SLC16A12: variants seen among roughly 807,000 people sequenced by gnomAD.
SLC16A12 encodes solute carrier family 16 member 12.
A neutral mutation model predicts 42.4 loss-of-function variants in SLC16A12; 17 were observed. The ratio of observed to expected loss-of-function variants is 0.40; its 90% confidence interval spans 0.27 to 0.60. The LOEUF is 0.60. Ranked by LOEUF, SLC16A12 falls within the 20% of genes least tolerant of loss-of-function variation. The pLI is 0.42. For missense variants in SLC16A12, 544 were observed against 623.0 expected, an observed-to-expected ratio of 0.87 and a Z score of 1.35; for synonymous variants, 224 against 229.4, an observed-to-expected ratio of 0.98 and a Z score of 0.21.
intron 2 of SLC16A12, among the ~76,000 whole-genome samples, chr10:89,464,555 AT>A (rs1468390551): frequency 6.6e-6 from 1 of 152,224 alleles, no homozygotes; most frequent in African/African-American, 2.4e-5. Context: ...ATGAAATGTC[AT>A]TTCAACTATG....
intron 2 of SLC16A12, among the ~76,000 whole-genome samples, chr10:89,470,185 A>C (rs1489469550): frequency 6.6e-6 from 1 of 152,208 alleles, no homozygotes; most frequent in Non-Finnish European, 1.5e-5. Flanking sequence ...GGATTGTGTT[A>C]TAGGGGACAT....
intron 2 of SLC16A12, among the ~76,000 whole-genome samples, chr10:89,472,487 CTT>C (rs71022567): frequency 0.06 from 5,372 of 89,536 alleles, 52 homozygotes; most frequent in East Asian, 0.17. Flanking sequence ...TCTTTTCTTT[CTT>C]TTTTTTTTTT....
chr10:89,467,903 A>ATTATT (rs1842429776), intron 2 of SLC16A12: 1 of 152,190 alleles, frequency 6.6e-6, no homozygotes, highest in Non-Finnish European at 1.5e-5. Context: ...TCAGTAGAGG[A>ATTATT]CACATTGTAG....
At chr10:89,455,673 A>C (rs531286884) in intron 3 of SLC16A12, among the ~76,000 whole-genome samples, 3 of 152,322 alleles carry the variant, frequency 2.0e-5, no homozygotes, top group South Asian at 4.1e-4. Flanking sequence ...GCATGTGTGC[A>C]TCTCACTCCA....
rs542607734 is a variant in SLC16A12 at position 89,438,866 on chromosome 10, A to G, written c.766T>C (p.Ser256Pro). ...TGTGCCCATTCTTTGGTCAAAGATG[A>G]ATAGGGAGACACCCGCTTAATGTCT... ...KEDIKRVSPY[S>P]SLTKEWAQTC... Residue 256 changes from serine to proline, a missense_variant, in exon 6 of 8, where the codon TCA (serine) becomes CCA (proline). By Grantham distance (74) the Ser-to-Pro change is moderately conservative (BLOSUM62 -1). Coordinates refer to ENST00000371790, the MANE Select transcript of SLC16A12 (RefSeq NM_213606.4). 33 of 1,614,184 alleles carry G rather than the reference A, an allele frequency of 2.0e-5. No homozygotes were observed. Among genetic ancestry groups the G allele is most frequent in the Non-Finnish European group, 2.6e-5 (31 of 1,180,018 alleles).
intron 2 of SLC16A12, among the ~76,000 whole-genome samples, chr10:89,468,439 T>C (rs1211916492): frequency 6.6e-6 from 1 of 152,242 alleles, no homozygotes; most frequent in East Asian, 1.9e-4. Context: ...TGGAGGCAAG[T>C]AGCTTTGGCT....
chr10:89,503,875 G>T (rs1843022834), intron 2 of SLC16A12, among the ~76,000 whole-genome samples: 1 of 152,174 alleles, frequency 6.6e-6, no homozygotes, highest in South Asian at 2.1e-4. Flanking sequence ...ACCAGAGGCT[G>T]GAAGTGAAGG....
At chr10:89,452,808 C>T (rs1416879510) in intron 3 of SLC16A12, among the ~76,000 whole-genome samples, 2 of 152,226 alleles carry the variant, frequency 1.3e-5, no homozygotes, top group Non-Finnish European at 2.9e-5. Flanking sequence ...CTAACAAATT[C>T]TCAGTCAATC....
chr10:89,532,873 C>T (rs1258817907), intron 2 of SLC16A12, among the ~76,000 whole-genome samples: 1 of 152,158 alleles, frequency 6.6e-6, no homozygotes, highest in Non-Finnish European at 1.5e-5. Flanking sequence ...AACAACAGAA[C>T]ACCATCTTCA....
At chr10:89,452,495 T>G (rs972007502) in intron 3 of SLC16A12, among the ~76,000 whole-genome samples, 1 of 152,208 alleles carries the variant, frequency 6.6e-6, no homozygotes, top group Non-Finnish European at 1.5e-5. Context: ...TTAAACATCA[T>G]GAAAAATTTA....
chr10:89,543,655 C>A (rs1430849649), intron 2 of SLC16A12, among the ~76,000 whole-genome samples: 1 of 151,950 alleles, frequency 6.6e-6, no homozygotes, highest in Admixed American at 6.6e-5. Flanking sequence ...ATGGTGAAAA[C>A]CTGTCTCTAC....
chr10:89,439,803 G>A (rs1206122467), intron 5 of SLC16A12, among the ~76,000 whole-genome samples: 2 of 152,016 alleles, frequency 1.3e-5, no homozygotes, highest in African/African-American at 4.8e-5. Context: ...TGGGTGCAGT[G>A]GCTCATGCCT....
At chr10:89,521,199 G>A (rs888788664) in intron 2 of SLC16A12, among the ~76,000 whole-genome samples, 2 of 152,122 alleles carry the variant, frequency 1.3e-5, no homozygotes, top group South Asian at 4.1e-4. Context: ...ATAATGCCTT[G>A]TCTCTGTCAT....
At chr10:89,519,981 T>C (rs10881596) in intron 2 of SLC16A12, among the ~76,000 whole-genome samples, 76,242 of 151,038 alleles carry the variant, frequency 0.5, 20,339 homozygotes, top group Middle Eastern at 0.61. Context: ...GATGTGGTGG[T>C]GGGCGCCTGT....
chr10:89,440,814 G>T (rs992612518), intron 5 of SLC16A12, among the ~76,000 whole-genome samples: 1 of 152,174 alleles, frequency 6.6e-6, no homozygotes, highest in African/African-American at 2.4e-5. Context: ...AATTCATGTT[G>T]CCCTGGGTAA....
intron 2 of SLC16A12, among the ~76,000 whole-genome samples, chr10:89,542,173 T>C (rs1843719276): frequency 6.6e-6 from 1 of 152,160 alleles, no homozygotes; most frequent in Admixed American, 6.5e-5. Flanking sequence ...AGATCACAGG[T>C]AGAAGACTAT....
At chr10:89,462,321 T>C in intron 3 of SLC16A12, 58 bp downstream of exon 3, 2 of 1,610,196 alleles carry the variant, frequency 1.2e-6, no homozygotes, top group Non-Finnish European at 1.7e-6. Flanking sequence ...ATGAAGCAGA[T>C]TTAAAAGAAA....
At chr10:89,501,185 C>A (rs113943174) in intron 2 of SLC16A12, among the ~76,000 whole-genome samples, 2,091 of 152,286 alleles carry the variant, frequency 0.014, 15 homozygotes, top group Non-Finnish European at 0.025. Flanking sequence ...ACATCCCATG[C>A]TCATGGATGG....
At chr10:89,554,871 G>A (rs1342049079) in intron 2 of SLC16A12, among the ~76,000 whole-genome samples, 1 of 152,108 alleles carries the variant, frequency 6.6e-6, no homozygotes, top group East Asian at 1.9e-4. Context: ...TAATGTCTAA[G>A]TCCCCTTTCA....
Sources: gnomAD v4.1 joint callset for allele counts (sites outside exome capture counted in the v4.1 genomes callset) on GRCh38, gnomAD v4.1.1 for gene constraint, MANE v1.5 for transcripts, NCBI Gene and HGNC (gene_info 2026-07-23, HGNC 2026-07-21) for gene names.